The following PSME4 variants were observed in gnomAD, a reference collection of about 807,000 sequenced individuals.
PSME4 encodes the protein proteasome activator subunit 4, also known as proteasome activator complex subunit 4.
In PSME4, 89 loss-of-function variants were observed where a neutral mutation model predicts 253.9. The ratio of observed to expected loss-of-function variants is 0.35; its 90% confidence interval spans 0.30 to 0.42. The LOEUF (loss-of-function observed/expected upper bound fraction) is 0.42, where lower values mean the gene tolerates loss of function less well. Among genes scored for constraint, PSME4 ranks in the 10% least tolerant of loss-of-function variants. The pLI is 1.00. For missense variants in PSME4, 2,014 were observed against 2,195.2 expected (o/e 0.92, Z 1.65); for synonymous variants, 851 against 759.2 (o/e 1.12, Z -1.99).
At position 53,970,637 on chromosome 2, in the gene PSME4, A is replaced by G; in HGVS notation, c.148T>C (p.Leu50=). The change falls in exon 1 of 47, where the codon TTG becomes CTG. Residue 50 remains leucine (L), a synonymous_variant. Transcript: ENST00000404125. ...YAERLDAESD[L]QLAQIKCNLG... is the part of the protein sequence containing the mutation. ...TTGCATTTGATCTGGGCCAGCTGCAAGTCGGACTCGGCGTCTAGCCGCTCC... is the reference window on the plus strand; with the variant it reads ...TTGCATTTGATCTGGGCCAGCTGCAGGTCGGACTCGGCGTCTAGCCGCTCC... 1 of 1,550,086 alleles carries G rather than the reference A, an allele frequency of 6.5e-7. No homozygotes were observed. The highest frequency in any genetic ancestry group is 1.4e-5 in the African/African-American group (1 of 73,162).
chr2:53,874,303 T>G (rs1679023210), intron 43 of PSME4, 36 bp downstream of exon 43: 3 of 1,581,352 alleles, frequency 1.9e-6, no homozygotes, highest in Non-Finnish European at 2.6e-6. Flanking sequence ...TTCTTTAAAT[T>G]GACTGAATTT....
At chr2:53,909,641 G>C (rs1040666803) in intron 21 of PSME4, among the ~76,000 whole-genome samples, 9 of 152,094 alleles carry the variant, frequency 5.9e-5, no homozygotes, top group African/African-American at 2.2e-4. Flanking sequence ...TCAAAAAAGA[G>C]ATTAGGAACA....
chr2:53,936,645 G>A, intron 6 of PSME4, 119 bp downstream of exon 6: 5 of 653,180 alleles, frequency 7.7e-6, no homozygotes, highest in Non-Finnish European at 1.0e-5. Flanking sequence ...CAATCCTAAG[G>A]AACTTCAAGT....
At chr2:53,874,577 A>G (rs1679036310) in intron 42 of PSME4, 83 bp from the exon 43 acceptor site, 3 of 1,260,136 alleles carry the variant, frequency 2.4e-6, no homozygotes, top group East Asian at 2.5e-5. Context: ...CACACAAACA[A>G]TGTAATATTC....
At chr2:53,866,041 C>T (rs1678550004) in intron 46 of PSME4, 44 bp downstream of exon 46, 1 of 1,520,754 alleles carries the variant, frequency 6.6e-7, no homozygotes, top group South Asian at 1.2e-5. Flanking sequence ...ATATCTAGTT[C>T]TCAGTCACCA....
Position 53,923,136 on chromosome 2 carries a change from T to A in PSME4, c.1909-18A>T, listed in dbSNP as rs758230964. The A allele has an allele frequency of 3.2e-6, 5 of 1,586,434 alleles. No individual in the cohort carries two copies. Among genetic ancestry groups the A allele is most frequent in the Non-Finnish European group, 3.4e-6 (4 of 1,164,714 alleles). ...GGGCAGCACTGAAAATGTATTTGTA[T>A]AAGTAAGGCTTTTTTGAAAGGCAAA... On this transcript the variant is annotated intron_variant, in intron 15 of 46. Coordinates refer to ENST00000404125, the MANE Select transcript of PSME4 (RefSeq NM_014614.3).
intron 1 of PSME4, among the ~76,000 whole-genome samples, chr2:53,966,568 A>G (rs949922318): frequency 2.5e-4 from 38 of 152,068 alleles, no homozygotes; most frequent in African/African-American, 8.2e-4. Context: ...GTCTCCAAAA[A>G]AAAAAAAAGA....
rs370906298 is a variant in PSME4, at chr2:53,906,707, C to T, written c.2848-14G>A. ...TAGTGTCCGTAGCTAAGAAAACAAT[C>T]GCAAACATTTACTAAAATTTGATTA... On this transcript the variant is annotated splice_polypyrimidine_tract_variant and intron_variant, in intron 25 of 46. Transcript: ENST00000404125. The T allele has an allele frequency of 2.0e-4, 324 of 1,593,868 alleles. No homozygotes were observed. In the Middle Eastern group the frequency reaches 3.7e-3, roughly 18 times the overall value.
In PSME4 at chr2:53,921,104, T is replaced by C. The variant is rs781284913; in HGVS notation, c.2047A>G (p.Ile683Val). The stretch of plus-strand genomic sequence containing the variant: ...AACTTCCTTCCATCCACTCGAGTAA[T>C]CTAAAAGGAGGGAAAAAATAGTTGA... The part of the protein sequence containing the change: ...LLWNLQLLSE[I>V]TRVDGRKLLL... Residue 683 changes from isoleucine (I) to valine (V), a missense_variant and splice_region_variant, in exon 18 of 47, where the codon ATT becomes GTT. Transcript: ENST00000404125. 2.5e-6 allele frequency: 4 copies of C among 1,612,904 alleles called. No homozygotes were observed. Among genetic ancestry groups the C allele is most frequent in the Non-Finnish European group, 3.4e-6 (4 of 1,179,824 alleles).
rs201040744 is a variant in PSME4, at chr2:53,921,114, G to A, written c.2047-10C>T. On this transcript the variant is annotated splice_polypyrimidine_tract_variant and intron_variant, in intron 17 of 46. Transcript: ENST00000404125. ...CATCCACTCGAGTAATCTAAAAGGA[G>A]GGAAAAAATAGTTGAAGATATTTTG... 9 of 1,609,510 alleles carry A rather than the reference G, an allele frequency of 5.6e-6. No homozygotes were observed. Among genetic ancestry groups the A allele is most frequent in the African/African-American group, 4.0e-5 (3 of 74,408 alleles).
chr2:53,921,294 T>G (rs1161844988), intron 17 of PSME4, among the ~76,000 whole-genome samples, 190 bp from the exon 18 acceptor site: 1 of 152,080 alleles, frequency 6.6e-6, no homozygotes, highest in East Asian at 1.9e-4. Context: ...TTTCTGAGCT[T>G]AAGCTTTCAT....
chr2:53,934,974 C>T (rs991163268), intron 7 of PSME4, among the ~76,000 whole-genome samples: 1 of 152,082 alleles, frequency 6.6e-6, no homozygotes, highest in African/African-American at 2.4e-5. Context: ...TCCATGTATC[C>T]AAAGAACAGA....
rs755960499 is a variant in PSME4, at chr2:53,896,839, G to T, written c.3653C>A (p.Thr1218Asn). ...VAGILKQLKR[T>N]HKKLTINPCE... is the part of the protein sequence containing the mutation. The stretch of plus-strand genomic sequence containing the variant: ...GGGGTTAATGGTCAGCTTTTTGTGG[G>T]TTCTTTTTAGCTGTTTAAGGATACC... The change falls in exon 32 of 47, where the codon ACC becomes AAC. Residue 1218 changes from threonine to asparagine, a missense_variant. This residue lies in a region of PSME4 where 989 missense variants were observed against 1,021.1 expected (regional missense o/e 0.97). Coordinates refer to ENST00000404125, the MANE Select transcript of PSME4 (RefSeq NM_014614.3). The T allele has an allele frequency of 6.2e-7, 1 of 1,612,174 alleles. No individual in the cohort carries two copies. Among genetic ancestry groups the T allele is most frequent in the East Asian group, 2.2e-5 (1 of 44,832 alleles).
At chr2:53,895,519 C>T in intron 33 of PSME4, 64 bp downstream of exon 33, 1 of 1,495,800 alleles carries the variant, frequency 6.7e-7, no homozygotes, top group South Asian at 1.4e-5. Flanking sequence ...CCCCAGAAAC[C>T]AAAATATGAT....
chr2:53,922,340 C>T (rs1317383203), intron 17 of PSME4, among the ~76,000 whole-genome samples, 177 bp downstream of exon 17: 2 of 152,164 alleles, frequency 1.3e-5, no homozygotes, highest in African/African-American at 4.8e-5. Flanking sequence ...CAGTGATCAA[C>T]TACACCACTC....
chr2:53,934,383 G>A (rs954865990), intron 8 of PSME4, among the ~76,000 whole-genome samples: 8 of 152,128 alleles, frequency 5.3e-5, no homozygotes, highest in African/African-American at 1.9e-4. Context: ...CAAAACCCTA[G>A]ATTTTTGACT....
intron 1 of PSME4, among the ~76,000 whole-genome samples, chr2:53,955,336 C>T (rs558776839): frequency 1.3e-5 from 2 of 152,180 alleles, no homozygotes; most frequent in Non-Finnish European, 2.9e-5. Flanking sequence ...TGAATGTGGC[C>T]CAACACAAAT....
intron 27 of PSME4, 90 bp from the exon 28 acceptor site, chr2:53,901,649 G>T: frequency 1.0e-6 from 1 of 996,140 alleles, no homozygotes; most frequent in South Asian, 1.8e-5. Flanking sequence ...GGTTTTAAAT[G>T]AGTATTGATT....
At chr2:53,885,287 C>T (rs573956879) in intron 41 of PSME4, among the ~76,000 whole-genome samples, 147 of 152,274 alleles carry the variant, frequency 9.7e-4, no homozygotes, top group African/African-American at 3.4e-3. Flanking sequence ...TTATAGGGTC[C>T]TTTAACATTG....
Sources: allele counts gnomAD v4.1 joint callset (sites outside exome capture counted in the v4.1 genomes callset), GRCh38; gene constraint gnomAD v4.1.1; regional missense constraint gnomAD v4.1.1; transcripts MANE v1.5; gene names NCBI Gene and HGNC (gene_info 2026-07-23, HGNC 2026-07-21).